Variants in ANKS1B observed in about 807,000 individuals in gnomAD.
ANKS1B encodes the protein ankyrin repeat and sterile alpha motif domain containing 1B.
A neutral mutation model predicts 148.3 loss-of-function variants in ANKS1B; 36 were observed. The ratio of observed to expected loss-of-function variants is 0.24; its 90% CI spans 0.19 to 0.32. The LOEUF is 0.32. Ranked by LOEUF, ANKS1B falls within the 10% of genes least tolerant of loss-of-function variation. ANKS1B has a pLI of 1.00. For synonymous variants in ANKS1B, 542 were observed against 560.8 expected, an observed-to-expected ratio of 0.97 and a Z score of 0.47; for missense variants, 1,157 against 1,542.6, an observed-to-expected ratio of 0.75 and a Z score of 4.19.
chr12:98,818,978 A>G (rs1342731499), intron 19 of ANKS1B, among the ~76,000 whole-genome samples: 1 of 152,220 alleles, frequency 6.6e-6, no homozygotes, highest in Non-Finnish European at 1.5e-5. Context: ...AGAGGTCTCT[A>G]GTAGAAAGCT....
At chr12:99,189,117 A>G (rs1375032817) in intron 14 of ANKS1B, among the ~76,000 whole-genome samples, 1 of 152,216 alleles carries the variant, frequency 6.6e-6, no homozygotes, top group Admixed American at 6.5e-5. Context: ...TGCTGGACAC[A>G]TACTTCCTCC....
chr12:98,874,911 C>T (rs1227066541), intron 17 of ANKS1B, among the ~76,000 whole-genome samples: 1 of 151,880 alleles, frequency 6.6e-6, no homozygotes, highest in African/African-American at 2.4e-5. Flanking sequence ...ATAGCTTGCC[C>T]CAAAGTAAAT....
At chr12:99,058,531 A>G (rs541788874) in intron 16 of ANKS1B, among the ~76,000 whole-genome samples, 2 of 152,068 alleles carry the variant, frequency 1.3e-5, no homozygotes, top group Non-Finnish European at 2.9e-5. Flanking sequence ...TTACAGGCAC[A>G]AGCCACTGCC....
chr12:99,650,157 A>C (rs2098408385), intron 9 of ANKS1B: 1 of 152,194 alleles, frequency 6.6e-6, no homozygotes, highest in African/African-American at 2.4e-5. Flanking sequence ...CCTTAACTTT[A>C]TATTTTTTAA....
chr12:98,751,258 G>T lies in ANKS1B; in HGVS notation c.3747+97C>A. On this transcript the variant is annotated intron_variant, in intron 26 of 26. Coordinates refer to ENST00000683438, the MANE Select transcript of ANKS1B (RefSeq NM_001352186.2). This position sits in a 1 kb window ranked among gnomAD's most constrained non-coding sequence, Gnocchi z 4.3. ...AGGGAAAGGATGAAGAAGAGGCCCT[G>T]GGTTCTAATGGCACCCACACCACAC... 1 of 1,270,060 alleles carries T rather than the reference G, an allele frequency of 7.9e-7. No individual in the cohort carries two copies. The highest frequency in any genetic ancestry group is 1.1e-6 in the Non-Finnish European group (1 of 923,430). 78.7% of individuals were successfully genotyped at this position (1,270,060 alleles called of 1,614,324 possible).
intron 14 of ANKS1B, among the ~76,000 whole-genome samples, chr12:99,243,847 C>T (rs1231895731): frequency 6.6e-6 from 1 of 152,010 alleles, no homozygotes; most frequent in Non-Finnish European, 1.5e-5. Flanking sequence ...GGGTGGGGAA[C>T]ATCACATGCA....
At chr12:98,820,182 T>C (rs890049964) in intron 19 of ANKS1B, among the ~76,000 whole-genome samples, 1 of 152,196 alleles carries the variant, frequency 6.6e-6, no homozygotes. Flanking sequence ...GCAGAGACAA[T>C]ATGGGGTGTT....
At chr12:99,894,932 T>C (rs1366808525) in intron 1 of ANKS1B, among the ~76,000 whole-genome samples, 1 of 150,756 alleles carries the variant, frequency 6.6e-6, no homozygotes, top group African/African-American at 2.4e-5. Context: ...GTAGGTTAGG[T>C]GTACTGAATG....
intron 1 of ANKS1B, among the ~76,000 whole-genome samples, chr12:99,883,645 C>T (rs1467669271): frequency 1.3e-5 from 2 of 152,068 alleles, no homozygotes; most frequent in African/African-American, 2.4e-5. Context: ...CGGCCGGGCA[C>T]AGTGGCTCAC....
rs115424128 is a variant in ANKS1B at position 98,850,329 on chromosome 12, C to T, written c.2779-18193G>A. On this transcript the variant is annotated intron_variant, in intron 17 of 26. Transcript: ENST00000683438. Reference sequence around the variant, plus strand: ...TATCAAATATGAGAAATTATAAGTGCCTTTAGCAGATACTGCTTTTCCAAG... The same window carrying T: ...TATCAAATATGAGAAATTATAAGTGTCTTTAGCAGATACTGCTTTTCCAAG... 7.6e-3 allele frequency among the ~76,000 whole-genome samples: 1,163 copies of T among 152,142 alleles called. 13 individuals are homozygous for T. The highest frequency in any genetic ancestry group is 0.026 in the African/African-American group (1,096 of 41,490).
chr12:99,089,919 T>C (rs573181858), intron 15 of ANKS1B, among the ~76,000 whole-genome samples: 3 of 152,352 alleles, frequency 2.0e-5, no homozygotes, highest in Non-Finnish European at 2.9e-5. Flanking sequence ...CTTTCTAGAA[T>C]GATCAAAGAC....
intron 9 of ANKS1B, among the ~76,000 whole-genome samples, chr12:99,602,837 C>A (rs1435842551): frequency 6.6e-6 from 1 of 151,998 alleles, no homozygotes; most frequent in African/African-American, 2.4e-5. Flanking sequence ...GAATACAGCC[C>A]AGATTTCAGG....
rs894745326 is a variant in ANKS1B, at chr12:99,123,249, G to A, written c.2526+31040C>T. On this transcript the variant is annotated intron_variant, in intron 15 of 26. Coordinates refer to ENST00000683438, the MANE Select transcript of ANKS1B (RefSeq NM_001352186.2). ...GACAGGTGCTGTGTTAGGGTGAGGA[G>A]AAAGTGCCTCTTGATATGGTGACAT... 3.3e-5 allele frequency among the ~76,000 whole-genome samples: 5 copies of A among 152,026 alleles called. No individual in the cohort carries two copies. In the East Asian group the frequency reaches 5.8e-4, roughly 18 times the overall value.
At position 99,226,362 on chromosome 12, in the gene ANKS1B, T is replaced by C. The variant is rs528204504; in HGVS notation, c.2419+17980A>G. On this transcript the variant is annotated intron_variant, in intron 14 of 26. Coordinates refer to ENST00000683438, the MANE Select transcript of ANKS1B (RefSeq NM_001352186.2). ...TTTGGTATTATACAACATTTGCTTGTGTTAAAATGAGCCCTGGTATTTCAC... is the reference window on the plus strand; with the variant it reads ...TTTGGTATTATACAACATTTGCTTGCGTTAAAATGAGCCCTGGTATTTCAC... 7.0e-4 allele frequency among the ~76,000 whole-genome samples: 106 copies of C among 152,314 alleles called. 1 individual carries two copies. Among genetic ancestry groups the C allele is most frequent in the African/African-American group, 2.4e-3 (98 of 41,582 alleles).
intron 19 of ANKS1B, among the ~76,000 whole-genome samples, chr12:98,814,310 C>T (rs2099122351): frequency 6.6e-6 from 1 of 152,216 alleles, no homozygotes; most frequent in Admixed American, 6.5e-5. Context: ...GGGCTTGGAA[C>T]ACAGAAGGAA....
intron 1 of ANKS1B, among the ~76,000 whole-genome samples, chr12:99,903,449 A>C (rs907277358): frequency 1.3e-5 from 2 of 152,198 alleles, no homozygotes; most frequent in African/African-American, 4.8e-5. Flanking sequence ...TTCTAGGAGA[A>C]ATGCCCTCTG....
chr12:99,780,051 A>C, intron 5 of ANKS1B, 79 bp from the exon 6 acceptor site: 2 of 993,296 alleles, frequency 2.0e-6, no homozygotes, highest in Middle Eastern at 4.5e-4. Flanking sequence ...TAACTGCTGT[A>C]ATTTCAGACA....
chr12:99,281,306 T>C (rs1391715060), intron 12 of ANKS1B, among the ~76,000 whole-genome samples: 1 of 152,210 alleles, frequency 6.6e-6, no homozygotes, highest in Non-Finnish European at 1.5e-5. Flanking sequence ...AATTGAAGGG[T>C]AATTCACTCA....
chr12:98,919,030 G>C (rs2168460), intron 17 of ANKS1B, among the ~76,000 whole-genome samples: 10,743 of 152,176 alleles, frequency 0.071, 792 homozygotes, highest in South Asian at 0.25. Flanking sequence ...TTGAGGCACG[G>C]AAGTTTTATA....
Sources: allele counts gnomAD v4.1 joint callset (sites outside exome capture counted in the v4.1 genomes callset), GRCh38; gene constraint gnomAD v4.1.1; non-coding constraint Gnocchi (gnomAD v3.1); transcripts MANE v1.5; gene names NCBI Gene and HGNC (gene_info 2026-07-23, HGNC 2026-07-21).